SMPD3: variants seen among roughly 807,000 people sequenced by gnomAD.
SMPD3 encodes the protein nSMase-2.
A neutral mutation model predicts 55.7 loss-of-function variants in SMPD3; 21 were observed. The observed-to-expected ratio is 0.38, with a 90% CI of 0.27 to 0.54. SMPD3 has a LOEUF of 0.54. Among genes scored for constraint, SMPD3 ranks in the 20% least tolerant of loss-of-function variants. SMPD3 has a pLI of 0.80. For synonymous variants in SMPD3, 457 were observed against 404.3 expected (o/e 1.13, Z -1.56); for missense variants, 842 against 899.6 (o/e 0.94, Z 0.82).
intron 1 of SMPD3, among the ~76,000 whole-genome samples, chr16:68,435,187 T>C (rs561850123): frequency 9.9e-5 from 15 of 152,248 alleles, no homozygotes; most frequent in Middle Eastern, 3.4e-3. Context: ...GAGAGAGGGT[T>C]CTAGGGCTGA....
chr16:68,383,515 C>G (rs2089994201), intron 2 of SMPD3, among the ~76,000 whole-genome samples: 1 of 152,166 alleles, frequency 6.6e-6, no homozygotes, highest in Non-Finnish European at 1.5e-5. Flanking sequence ...CTCATCTGTT[C>G]TCCACTTGCT....
chr16:68,444,215 C>G (rs2090591057), intron 1 of SMPD3, among the ~76,000 whole-genome samples: 1 of 152,210 alleles, frequency 6.6e-6, no homozygotes, highest in Non-Finnish European at 1.5e-5. Context: ...CAGAAGTCCT[C>G]CCTTCCCACC....
chr16:68,389,052 C>T (rs966804772), intron 1 of SMPD3, among the ~76,000 whole-genome samples: 2 of 152,178 alleles, frequency 1.3e-5, no homozygotes, highest in Admixed American at 6.5e-5. Context: ...CAAAACGCAC[C>T]GGTAGGAAAT....
rs145883306 is a variant in SMPD3 at position 68,436,735 on chromosome 16, C to T, written c.-269+11618G>A. ...TGCTCAGCATACCATGCCTGTGGGA[C>T]GGACACATGGCTGCTTGGACCACAC... On this transcript the variant is annotated intron_variant, in intron 1 of 8. Coordinates refer to ENST00000219334, the MANE Select transcript of SMPD3 (RefSeq NM_018667.4). Among the ~76,000 whole-genome samples the T allele has an allele frequency of 4.6e-3, 693 of 152,296 alleles. 4 individuals are homozygous for T. Among genetic ancestry groups the T allele is most frequent in the African/African-American group, 0.015 (640 of 41,558 alleles).
At chr16:68,382,586 A>G (rs1232875854) in intron 2 of SMPD3, among the ~76,000 whole-genome samples, 5 of 152,200 alleles carry the variant, frequency 3.3e-5, no homozygotes, top group Non-Finnish European at 4.4e-5. Context: ...GGGTGGAGCA[A>G]GCCGTGAGCA....
In SMPD3 at chr16:68,364,607, G is replaced by T. The variant is rs148277783; in HGVS notation, c.1555+144C>A. The T allele has an allele frequency of 6.6e-6, 6 of 909,658 alleles. 1 individual carries two copies. In the East Asian group the frequency reaches 1.5e-4, roughly 23 times the overall value. The allele number at this position is 909,658 out of a possible 1,614,324, so 56.3% of individuals were successfully genotyped here. ...TGTTCTAGGATTTCTAGGGGGCAGA[G>T]AAATCAGTCTTGCTAAATACCCCGC... is the stretch of plus-strand genomic sequence containing the variant. On this transcript the variant is annotated intron_variant, in intron 5 of 8. Coordinates refer to ENST00000219334, the MANE Select transcript of SMPD3 (RefSeq NM_018667.4).
intron 2 of SMPD3, among the ~76,000 whole-genome samples, chr16:68,386,193 G>GC (rs1289636041): frequency 2.7e-5 from 4 of 150,338 alleles, no homozygotes; most frequent in Non-Finnish European, 5.9e-5. Context: ...CTGCACTCCA[G>GC]CCCCAGAGAC....
intron 2 of SMPD3, among the ~76,000 whole-genome samples, chr16:68,381,343 A>G (rs9930867): frequency 0.5 from 75,629 of 152,070 alleles, 19,401 homozygotes; most frequent in East Asian, 0.79. Flanking sequence ...AGGATGCCCC[A>G]GCTCAGGCCC....
chr16:68,437,553 T>C (rs1475733236), intron 1 of SMPD3, among the ~76,000 whole-genome samples: 1 of 152,248 alleles, frequency 6.6e-6, no homozygotes, highest in Non-Finnish European at 1.5e-5. Flanking sequence ...CTTCCAGAAC[T>C]GTGGAGAGCA....
At chr16:68,378,385 A>G (rs2089871352) in intron 2 of SMPD3, among the ~76,000 whole-genome samples, 1 of 152,162 alleles carries the variant, frequency 6.6e-6, no homozygotes, top group Non-Finnish European at 1.5e-5. Flanking sequence ...TGCAGGTTGG[A>G]CACATCCACG....
chr16:68,361,156 G>T lies in SMPD3; in HGVS notation c.*50C>A. ...CTCGATGGAGGGGACATGGCCCAGG[G>T]ATGGGCTGCAGCTGCAAGGGCTGGC... is the stretch of plus-strand genomic sequence containing the variant. On this transcript the variant is annotated 3_prime_UTR_variant, in exon 9 of 9. Coordinates refer to ENST00000219334, the MANE Select transcript of SMPD3 (RefSeq NM_018667.4). 1 of 1,546,718 alleles carries T rather than the reference G, an allele frequency of 6.5e-7. No individual in the cohort carries two copies. The highest frequency in any genetic ancestry group is 8.9e-7 in the Non-Finnish European group (1 of 1,126,118).
rs541448413 is a variant in SMPD3, at chr16:68,398,476, AG to A, written c.-268-11818del. Reference sequence around the variant, plus strand: ...GAGCCCCGAGGAGGATCCTGGCCTGAGGTGGCCGAGCTGGAGTCTTCCAGGC... The same window carrying A: ...GAGCCCCGAGGAGGATCCTGGCCTGAGTGGCCGAGCTGGAGTCTTCCAGGC... On this transcript the variant is annotated intron_variant, in intron 1 of 8. Coordinates refer to ENST00000219334, the MANE Select transcript of SMPD3 (RefSeq NM_018667.4). Among the ~76,000 whole-genome samples the A allele has an allele frequency of 1.2e-3, 182 of 152,262 alleles. 1 individual carries two copies. Among genetic ancestry groups the A allele is most frequent in the African/African-American group, 4.1e-3 (169 of 41,542 alleles).
chr16:68,418,038 A>G, intron 1 of SMPD3, among the ~76,000 whole-genome samples: 1 of 152,258 alleles, frequency 6.6e-6, no homozygotes, highest in East Asian at 1.9e-4. Context: ...GTACACATTC[A>G]TAACAACTTT....
In SMPD3 at chr16:68,363,683, C is replaced by G. The variant is rs995236222; in HGVS notation, c.1645+94G>C. 11 of 1,457,694 alleles carry G rather than the reference C, an allele frequency of 7.5e-6. No homozygotes were observed. The African/African-American group carries it at 8.3e-5, about 11-fold the overall frequency. 90.3% of individuals were successfully genotyped at this position (1,457,694 alleles called of 1,614,324 possible). On this transcript the variant is annotated intron_variant, in intron 6 of 8. Transcript: ENST00000219334. ...GGGGCAGCTGAATGGGGCCCTTCCC[C>G]AGCAGTGGGGTCTTGTGGGGTAGGT...
intron 1 of SMPD3, among the ~76,000 whole-genome samples, chr16:68,418,812 A>C (rs1285113681): frequency 6.6e-6 from 1 of 152,180 alleles, no homozygotes; most frequent in Non-Finnish European, 1.5e-5. Context: ...GTGGGCCTGA[A>C]CCATAGTCTT....
chr16:68,385,809 C>CT (rs1382805251), intron 2 of SMPD3, among the ~76,000 whole-genome samples: 1 of 152,214 alleles, frequency 6.6e-6, no homozygotes, highest in African/African-American at 2.4e-5. Flanking sequence ...ACTCAGTAAA[C>CT]TTTAACGCTT....
intron 1 of SMPD3, among the ~76,000 whole-genome samples, chr16:68,395,091 G>GAAA (rs77641348): frequency 1.3e-4 from 18 of 137,540 alleles, no homozygotes; most frequent in African/African-American, 1.3e-4. Flanking sequence ...GCTGGAATTG[G>GAAA]AAAAAAAAAA....
At chr16:68,384,639 G>A (rs756705829) in intron 2 of SMPD3, among the ~76,000 whole-genome samples, 6 of 152,142 alleles carry the variant, frequency 3.9e-5, no homozygotes, top group Non-Finnish European at 5.9e-5. Flanking sequence ...GGAGCCCTGG[G>A]GTTGGGGGGT....
chr16:68,390,083 A>C (rs2090097867), intron 1 of SMPD3, among the ~76,000 whole-genome samples: 2 of 152,202 alleles, frequency 1.3e-5, no homozygotes, highest in African/African-American at 4.8e-5. Flanking sequence ...GCAATTCCTG[A>C]AACTGAGGGT....
Sources: gnomAD v4.1 joint callset for allele counts (sites outside exome capture counted in the v4.1 genomes callset) on GRCh38, gnomAD v4.1.1 for gene constraint, MANE v1.5 for transcripts, NCBI Gene and HGNC (gene_info 2026-07-23, HGNC 2026-07-21) for gene names.